The following CENPF variants were observed in gnomAD, a reference collection of about 807,000 sequenced individuals.
The protein encoded by CENPF is centromere protein F.
CENPF carries 214 observed loss-of-function variants against 307.3 expected under a neutral mutation model. That is an observed-to-expected ratio of 0.70 (90% confidence interval 0.62 to 0.78). The LOEUF (loss-of-function observed/expected upper bound fraction) is 0.78, where lower values mean the gene tolerates loss of function less well. Ranked by LOEUF, CENPF falls within the 30% of genes least tolerant of loss-of-function variation. The pLI, the probability that CENPF is intolerant of heterozygous loss-of-function variation, is 0.00. For synonymous variants in CENPF, 1,259 were observed against 1,270.6 expected (o/e 0.99, Z 0.19); for missense variants, 3,401 against 3,483.9 (o/e 0.98, Z 0.60).
rs1173255326 is a variant in CENPF, at chr1:214,629,120, C to T, written c.1143C>T (p.Ala381=). The T allele has an allele frequency of 1.2e-6, 2 of 1,610,656 alleles. No homozygotes were observed. The highest frequency in any genetic ancestry group is 1.7e-6 in the Non-Finnish European group (2 of 1,178,912). The change falls in exon 8 of 20, where the codon GCC becomes GCT. Residue 381 remains alanine (A), a synonymous_variant. Transcript: ENST00000366955. The part of the protein sequence containing the change: ...LSCQRQNAES[A]RCSLEQKIKE... ...GTCAGCGACAAAATGCAGAAAGTGC[C>T]AGATGTTCTCTGGAACAGAAAATTA...
Position 214,643,013 on chromosome 1 carries a change from T to C in CENPF, c.4675T>C (p.Tyr1559His), listed in dbSNP as rs764497035. ...AGAGCTTGAGTCCCTCTGTGAGGTGTACCGGCAGTCCCTCGAGAAGCTAGA... is the reference window on the plus strand; with the variant it reads ...AGAGCTTGAGTCCCTCTGTGAGGTGCACCGGCAGTCCCTCGAGAAGCTAGA... ...VEELESLCEV[Y>H]RQSLEKLEEK... Residue 1559 changes from tyrosine to histidine, a missense_variant, in exon 12 of 20, where the codon TAC becomes CAC. Coordinates refer to ENST00000366955, the MANE Select transcript of CENPF (RefSeq NM_016343.4). The C allele has an allele frequency of 2.5e-6, 4 of 1,608,932 alleles. No homozygotes were observed. The South Asian group carries it at 4.4e-5, about 18-fold the overall frequency.
rs764301431 is a variant in CENPF at position 214,645,417 on chromosome 1, TGAA to T, written c.5854_5856del (p.Glu1952del). ...ATAAGCAGAAGGTTATTGTCTGCCTTGAAGAAGAACTCTCAGTGGTCACAAGTG... is the reference window on the plus strand; with the variant it reads ...ATAAGCAGAAGGTTATTGTCTGCCTTGAAGAACTCTCAGTGGTCACAAGTG... On this transcript the variant is annotated inframe_deletion, in exon 13 of 20. Coordinates refer to ENST00000366955, the MANE Select transcript of CENPF (RefSeq NM_016343.4). The T allele has an allele frequency of 1.9e-6, 3 of 1,613,806 alleles. No homozygotes were observed. The highest frequency in any genetic ancestry group is 1.3e-5 in the African/African-American group (1 of 74,844).
chr1:214,640,961 C>T lies in CENPF; in HGVS notation c.2623C>T (p.Gln875Ter). ...TCTCATGAAAGCAGAACAGATGCATCAAAGTTTTGTGGCTGAAACAAGTCA... is the reference window on the plus strand; with the variant it reads ...TCTCATGAAAGCAGAACAGATGCATTAAAGTTTTGTGGCTGAAACAAGTCA... ...ENLMKAEQMH[Q>*]SFVAETSQRI... is the part of the protein sequence containing the mutation. The change falls in exon 12 of 20, where the codon CAA (glutamine) becomes TAA (stop). Residue 875 changes from glutamine to a stop codon, truncating the protein, a stop_gained. Transcript: ENST00000366955. LOFTEE classifies it high-confidence loss of function. 1 of 1,603,532 alleles carries T rather than the reference C, an allele frequency of 6.2e-7. No individual in the cohort carries two copies. Among genetic ancestry groups the T allele is most frequent in the Non-Finnish European group, 8.5e-7 (1 of 1,177,494 alleles).
rs748119785 is a variant in CENPF, at chr1:214,642,645, A to G, written c.4307A>G (p.Gln1436Arg). The G allele has an allele frequency of 2.5e-6, 4 of 1,614,002 alleles. No homozygotes were observed. In the Admixed American group the frequency reaches 5.0e-5, roughly 20 times the overall value. ...ATGAGCTCTAAAATGTCAGAGCTGCAGACCTATGTTGACTCATTAAAGGCC... is the reference window on the plus strand; with the variant it reads ...ATGAGCTCTAAAATGTCAGAGCTGCGGACCTATGTTGACTCATTAAAGGCC... ...CQMSSKMSEL[Q>R]TYVDSLKAEN... The change falls in exon 12 of 20, where the codon CAG (glutamine) becomes CGG (arginine). Residue 1436 changes from glutamine (Q) to arginine (R), a missense_variant. Coordinates refer to ENST00000366955, the MANE Select transcript of CENPF (RefSeq NM_016343.4).
In CENPF at chr1:214,652,975, T is replaced by A; in HGVS notation, c.8308T>A (p.Leu2770Met). Residue 2770 changes from leucine to methionine, a missense_variant, in exon 16 of 20, where the codon TTG becomes ATG. Leu to Met is a conservative substitution (Grantham distance 15). Coordinates refer to ENST00000366955, the MANE Select transcript of CENPF (RefSeq NM_016343.4). ...AGCTACTACTCAGATTTTGGAAGAA[T>A]TGAAGAAAACCAAGGTATGTTCACT... is the stretch of plus-strand genomic sequence containing the variant. Reference protein sequence around the residue: ...LKATTQILEELKKTKMDNLKY... With the variant: ...LKATTQILEEMKKTKMDNLKY... The A allele has an allele frequency of 6.2e-7, 1 of 1,604,424 alleles. No individual in the cohort carries two copies. Among genetic ancestry groups the A allele is most frequent in the Non-Finnish European group, 8.5e-7 (1 of 1,177,086 alleles).
chr1:214,605,616 G>GC, intron 1 of CENPF: 1 of 1,418,944 alleles, frequency 7.0e-7, no homozygotes, highest in Non-Finnish European at 9.6e-7. Context: ...TGGGGGGCCG[G>GC]CGCGGGGTGA....
chr1:214,650,667 C>G (rs58724390), intron 14 of CENPF, among the ~76,000 whole-genome samples: 4 of 151,976 alleles, frequency 2.6e-5, no homozygotes, highest in African/African-American at 9.7e-5. Context: ...TTTGGGAGGC[C>G]GAGGTGAGCT....
At chr1:214,625,511 G>A (rs568239144) in intron 7 of CENPF, among the ~76,000 whole-genome samples, 27 of 152,268 alleles carry the variant, frequency 1.8e-4, no homozygotes, top group African/African-American at 6.5e-4. Context: ...GTGAGCCACT[G>A]CACCTGTCCT....
intron 1 of CENPF, chr1:214,606,016 C>T: frequency 6.3e-7 from 1 of 1,596,650 alleles, no homozygotes; most frequent in Non-Finnish European, 8.5e-7. Flanking sequence ...AGGCCAGGTC[C>T]ACGGTGGGCA....
intron 19 of CENPF, among the ~76,000 whole-genome samples, chr1:214,662,524 C>T (rs924487138): frequency 1.3e-5 from 2 of 152,176 alleles, no homozygotes; most frequent in African/African-American, 4.8e-5. Context: ...ATTCCCTTTT[C>T]TTCTTGCATC....
rs199586456 is a variant in CENPF, at chr1:214,614,904, C to G, written c.235C>G (p.Leu79Val). 6 of 1,609,766 alleles carry G rather than the reference C, an allele frequency of 3.7e-6. No homozygotes were observed. The highest frequency in any genetic ancestry group is 1.7e-4 in the Middle Eastern group (1 of 6,042). Residue 79 changes from leucine (L) to valine (V), a missense_variant, in exon 3 of 20, where the codon CTG (leucine) becomes GTG (valine). Transcript: ENST00000366955. ...NQRLMEICESLEKTKQKISHE... is the reference protein window; with the variant it reads ...NQRLMEICESVEKTKQKISHE... ...AAGATTGATGGAAATATGTGAAAGT[C>G]TGGAGAAAACTAAGCAGAAGATTTC...
At chr1:214,655,832 C>T (rs1181908734) in intron 17 of CENPF, among the ~76,000 whole-genome samples, 4 of 152,212 alleles carry the variant, frequency 2.6e-5, no homozygotes, top group African/African-American at 9.7e-5. Flanking sequence ...CTCAAGCAAT[C>T]TGCCCACCTT....
At position 214,647,454 on chromosome 1, in the gene CENPF, A is replaced by G. The variant is rs1429610787; in HGVS notation, c.7830+54A>G. The G allele has an allele frequency of 9.3e-6, 14 of 1,510,074 alleles. No individual in the cohort carries two copies. In the Middle Eastern group the frequency reaches 5.8e-4, roughly 63 times the overall value. The allele number at this position is 1,510,074 out of a possible 1,614,324, so 93.5% of individuals were successfully genotyped here. On this transcript the variant is annotated intron_variant, in intron 13 of 19. Transcript: ENST00000366955. ...ATATGTAGTCATGAGGCAGGAAACC[A>G]TATTTTCTTCTAGACACTGTGAATT... is the stretch of plus-strand genomic sequence containing the variant.
chr1:214,630,501 A>T (rs1657776232), intron 8 of CENPF, 33 bp from the exon 9 acceptor site: 1 of 1,613,036 alleles, frequency 6.2e-7, no homozygotes, highest in Non-Finnish European at 8.5e-7. Flanking sequence ...GCGAACCATC[A>T]TCAGGCTGAT....
In CENPF at chr1:214,654,225, C is replaced by G. The variant is rs561168397; in HGVS notation, c.8323-1016C>G. 5.9e-5 allele frequency: 9 copies of G among 152,248 alleles called. No individual in the cohort carries two copies. In the East Asian group the frequency reaches 1.7e-3, roughly 29 times the overall value. The allele number at this position is 152,248 out of a possible 1,614,324, so 9.4% of individuals were successfully genotyped here. On this transcript the variant is annotated intron_variant, in intron 16 of 19. Transcript: ENST00000366955. ...TGCTATAATATTGCATAATCGAATT[C>G]ATATTTCTGCAGCAAAATGTGTGGA...
chr1:214,643,147 G>T lies in CENPF; in HGVS notation c.4809G>T (p.Leu1603Phe). ...QELDCLRKQYLSENEQWQQKL... is the reference protein window; with the variant it reads ...QELDCLRKQYFSENEQWQQKL... The stretch of plus-strand genomic sequence containing the variant: ...TTGACTGCCTTAGGAAGCAGTATTT[G>T]TCAGAAAATGAACAGTGGCAACAGA... Residue 1603 changes from leucine (L) to phenylalanine (F), a missense_variant, in exon 12 of 20, where the codon TTG becomes TTT. Coordinates refer to ENST00000366955, the MANE Select transcript of CENPF (RefSeq NM_016343.4). 1 of 1,598,338 alleles carries T rather than the reference G, an allele frequency of 6.3e-7. No individual in the cohort carries two copies. Among genetic ancestry groups the T allele is most frequent in the Middle Eastern group, 1.7e-4 (1 of 5,914 alleles).
At chr1:214,652,765 T>A in intron 15 of CENPF, 63 bp from the exon 16 acceptor site, 1 of 1,425,768 alleles carries the variant, frequency 7.0e-7, no homozygotes, top group South Asian at 1.4e-5. Flanking sequence ...TCTGACTATT[T>A]TTTTTTAGCT....
At chr1:214,616,858 TTTC>T (rs1657359444) in intron 3 of CENPF, among the ~76,000 whole-genome samples, 1 of 31,042 alleles carries the variant, frequency 3.2e-5, no homozygotes, top group Admixed American at 3.2e-4. Flanking sequence ...TCTTTCTTTC[TTTC>T]TTTCTTTCTT....
rs755567779 is a variant in CENPF at position 214,641,014 on chromosome 1, T to G, written c.2676T>G (p.Thr892=). Residue 892 remains threonine, a synonymous_variant, in exon 12 of 20, where the codon ACT becomes ACG. Coordinates refer to ENST00000366955, the MANE Select transcript of CENPF (RefSeq NM_016343.4). ...SQRISKLQED[T]SAHQNVVAET... is the part of the protein sequence containing the mutation. The stretch of plus-strand genomic sequence containing the variant: ...GCATTAGTAAGTTACAGGAAGACAC[T>G]TCTGCTCACCAGAATGTTGTTGCTG... 1.1e-5 allele frequency: 18 copies of G among 1,574,860 alleles called. No homozygotes were observed. The highest frequency in any genetic ancestry group is 1.7e-4 in the Middle Eastern group (1 of 5,860).
Sources: gnomAD v4.1 joint callset for allele counts (sites outside exome capture counted in the v4.1 genomes callset) on GRCh38, gnomAD v4.1.1 for gene constraint, MANE v1.5 for transcripts, NCBI Gene and HGNC (gene_info 2026-07-23, HGNC 2026-07-21) for gene names.